Variants in INPP4B observed in about 807,000 individuals in gnomAD.
INPP4B encodes the protein inositol polyphosphate 4-phosphatase type II.
A neutral mutation model predicts 122.5 loss-of-function variants in INPP4B; 55 were observed. The observed-to-expected ratio is 0.45, with a 90% CI of 0.36 to 0.56. The LOEUF (loss-of-function observed/expected upper bound fraction) is 0.56, where lower values mean the gene tolerates loss of function less well. Among genes scored for constraint, INPP4B ranks in the 20% least tolerant of loss-of-function variants. The pLI, the probability that INPP4B is intolerant of heterozygous loss-of-function variation, is 0.00. For missense variants in INPP4B, 1,000 were observed against 1,097.7 expected, an observed-to-expected ratio of 0.91 and a Z score of 1.26; for synonymous variants, 403 against 388.7, an observed-to-expected ratio of 1.04 and a Z score of -0.43.
chr4:142,683,724 G>C (rs1346984795), intron 2 of INPP4B, among the ~76,000 whole-genome samples: 1 of 151,796 alleles, frequency 6.6e-6, no homozygotes, highest in Non-Finnish European at 1.5e-5. Flanking sequence ...TAATCTCTAG[G>C]CTAGAAAGAT....
At chr4:142,548,483 G>C (rs1295787950) in intron 2 of INPP4B, among the ~76,000 whole-genome samples, 1 of 152,164 alleles carries the variant, frequency 6.6e-6, no homozygotes, top group East Asian at 1.9e-4. Context: ...TTGTCGTATA[G>C]AGGGAAGAAA....
At chr4:142,291,903 A>G (rs1390494408) in intron 9 of INPP4B, among the ~76,000 whole-genome samples, 1 of 152,246 alleles carries the variant, frequency 6.6e-6, no homozygotes, top group Non-Finnish European at 1.5e-5. Context: ...CATTACAAAG[A>G]CAATCTCTGA....
Position 142,173,631 on chromosome 4 carries a change from C to CT in INPP4B, c.1359dup (p.Thr454AsnfsTer30). 6.2e-7 allele frequency: 1 copy of CT among 1,610,334 alleles called. No individual in the cohort carries two copies. Among genetic ancestry groups the CT allele is most frequent in the South Asian group, 1.1e-5 (1 of 90,638 alleles). On this transcript the variant is annotated frameshift_variant and splice_region_variant. Transcript: ENST00000262992. LOFTEE classifies it high-confidence loss of function. ...AACTATAGTGATGATTTGGATCTTA[C>CT]TTTTTCTGAAAGCATCTTTAAAGAA...
At chr4:142,812,290 C>G (rs1779608210) in intron 1 of INPP4B, among the ~76,000 whole-genome samples, 1 of 152,096 alleles carries the variant, frequency 6.6e-6, no homozygotes, top group Non-Finnish European at 1.5e-5. Context: ...CAGGATTGTA[C>G]CTCTCCTACA....
At chr4:142,196,196 T>C (rs764254672) in intron 14 of INPP4B, among the ~76,000 whole-genome samples, 3 of 152,218 alleles carry the variant, frequency 2.0e-5, no homozygotes, top group Non-Finnish European at 4.4e-5. Flanking sequence ...GAACAAGCTG[T>C]TCTGTAAGTT....
chr4:142,342,301 GT>G (rs1025846256), intron 7 of INPP4B, among the ~76,000 whole-genome samples: 1 of 152,054 alleles, frequency 6.6e-6, no homozygotes, highest in Non-Finnish European at 1.5e-5. Context: ...AAAAAAGTGA[GT>G]TTTATTAGTG....
chr4:142,508,691 C>A (rs1303820889), intron 2 of INPP4B, among the ~76,000 whole-genome samples: 1 of 152,164 alleles, frequency 6.6e-6, no homozygotes, highest in African/African-American at 2.4e-5. Context: ...TGTGATTAGG[C>A]AAAATTATCC....
At chr4:142,801,788 T>A (rs770744980) in intron 1 of INPP4B, among the ~76,000 whole-genome samples, 1 of 152,158 alleles carries the variant, frequency 6.6e-6, no homozygotes, top group Non-Finnish European at 1.5e-5. Context: ...GAAGGTACAG[T>A]TCCATTGTTT....
intron 18 of INPP4B, among the ~76,000 whole-genome samples, chr4:142,133,182 G>A (rs1359284219): frequency 6.6e-6 from 1 of 152,036 alleles, no homozygotes; most frequent in Non-Finnish European, 1.5e-5. Context: ...ATAATCTATA[G>A]GTTATTTCCC....
chr4:142,615,719 G>A (rs1344746374), intron 2 of INPP4B, among the ~76,000 whole-genome samples: 2 of 152,072 alleles, frequency 1.3e-5, no homozygotes, highest in Non-Finnish European at 2.9e-5. Flanking sequence ...TCATGGCTGG[G>A]AATTCAGTTT....
intron 3 of INPP4B, among the ~76,000 whole-genome samples, chr4:142,447,326 T>C (rs1813129722): frequency 6.6e-6 from 1 of 152,198 alleles, no homozygotes; most frequent in East Asian, 1.9e-4. Context: ...TTTTGCCTGC[T>C]ACTGCAGTGA....
At chr4:142,245,401 A>C (rs1306276959) in intron 11 of INPP4B, among the ~76,000 whole-genome samples, 1 of 152,206 alleles carries the variant, frequency 6.6e-6, no homozygotes, top group Non-Finnish European at 1.5e-5. Flanking sequence ...AATAAGTTGT[A>C]AGGAAGAGGT....
chr4:142,601,216 C>T (rs1363846673), intron 2 of INPP4B, among the ~76,000 whole-genome samples: 4 of 152,092 alleles, frequency 2.6e-5, no homozygotes, highest in Non-Finnish European at 4.4e-5. Flanking sequence ...GACTAACAAA[C>T]ATTTACAGAA....
chr4:142,607,768 A>T (rs755107914), intron 2 of INPP4B, among the ~76,000 whole-genome samples: 2 of 152,154 alleles, frequency 1.3e-5, no homozygotes, highest in Non-Finnish European at 2.9e-5. Context: ...TACTTTTTTA[A>T]AAAAGAAGAA....
At chr4:142,473,556 A>C (rs1425971216) in intron 2 of INPP4B, 1 of 152,628 alleles carries the variant, frequency 6.6e-6, no homozygotes, top group Non-Finnish European at 1.5e-5. Context: ...GGAACTCTAA[A>C]AGACTTTGGC....
Position 142,270,787 on chromosome 4 carries a change from A to G in INPP4B, c.504-13T>C. On this transcript the variant is annotated splice_polypyrimidine_tract_variant and intron_variant, in intron 9 of 25. Coordinates refer to ENST00000262992, the MANE Select transcript of INPP4B (RefSeq NM_001101669.3). Reference sequence around the variant, plus strand: ...ACCATCTGAAGTTCTGCAACAAAAAATACACGAAATGGAAAGGTAAGAAGC... The same window carrying G: ...ACCATCTGAAGTTCTGCAACAAAAAGTACACGAAATGGAAAGGTAAGAAGC... 1 of 1,557,812 alleles carries G rather than the reference A, an allele frequency of 6.4e-7. No homozygotes were observed. The highest frequency in any genetic ancestry group is 8.9e-7 in the Non-Finnish European group (1 of 1,128,714).
intron 1 of INPP4B, among the ~76,000 whole-genome samples, chr4:142,832,917 C>T (rs1782338763): frequency 6.6e-6 from 1 of 152,156 alleles, no homozygotes; most frequent in Admixed American, 6.5e-5. Context: ...AATAAAAACA[C>T]TGTCAGAAAA....
In INPP4B at chr4:142,714,317, G is replaced by A. The variant is rs558207675; in HGVS notation, c.-191+11522C>T. The stretch of plus-strand genomic sequence containing the variant: ...CCACTGTCATTGTACCAGGCATCAC[G>A]CCCTCAACCATGTTCTCTTCTTTTC... On this transcript the variant is annotated intron_variant, in intron 2 of 25. Coordinates refer to ENST00000262992, the MANE Select transcript of INPP4B (RefSeq NM_001101669.3). Among the ~76,000 whole-genome samples, 10 of 152,204 alleles carry A rather than the reference G, an allele frequency of 6.6e-5. No homozygotes were observed. The East Asian group carries it at 9.7e-4, about 15-fold the overall frequency.
intron 5 of INPP4B, among the ~76,000 whole-genome samples, chr4:142,409,261 G>A (rs563987176): frequency 1.3e-5 from 2 of 152,328 alleles, no homozygotes; most frequent in Non-Finnish European, 2.9e-5. Flanking sequence ...GGGAGGCCAA[G>A]GAGGGCAGAT....
Sources: allele counts gnomAD v4.1 joint callset (sites outside exome capture counted in the v4.1 genomes callset), GRCh38; gene constraint gnomAD v4.1.1; transcripts MANE v1.5; gene names NCBI Gene and HGNC (gene_info 2026-07-23, HGNC 2026-07-21).